GRIK1: variants seen among roughly 807,000 people sequenced by gnomAD.
GRIK1 encodes the protein glutamate receptor ionotropic, kainate 1.
Under a neutral mutation model 105.7 loss-of-function variants are expected in GRIK1, and 69 were observed. The observed-to-expected ratio is 0.65, with a 90% CI of 0.54 to 0.80. GRIK1 has a LOEUF of 0.80. Among genes scored for constraint, GRIK1 ranks in the 30% least tolerant of loss-of-function variants. The probability of loss-of-function intolerance (pLI) is 0.00; values close to 1 mark genes in which losing one functional copy is unlikely to be tolerated. For synonymous variants in GRIK1, 438 were observed against 431.3 expected (o/e 1.02, Z -0.19); for missense variants, 1,109 against 1,167.3 (o/e 0.95, Z 0.73).
intron 1 of GRIK1, among the ~76,000 whole-genome samples, chr21:29,714,302 A>G (rs1195028970): frequency 6.6e-6 from 1 of 152,170 alleles, no homozygotes; most frequent in Non-Finnish European, 1.5e-5. Context: ...AAGGGTAATG[A>G]TGGATCTTAA....
chr21:29,727,480 T>C (rs1474177424), intron 1 of GRIK1, among the ~76,000 whole-genome samples: 1 of 152,182 alleles, frequency 6.6e-6, no homozygotes, highest in Non-Finnish European at 1.5e-5. Flanking sequence ...GCTCTTATCC[T>C]ATGAGGTTCA....
chr21:29,817,955 G>T (rs76401234), intron 1 of GRIK1, among the ~76,000 whole-genome samples: 6,409 of 152,092 alleles, frequency 0.042, 197 homozygotes, highest in Non-Finnish European at 0.065. Flanking sequence ...GGTTAGGCAC[G>T]ATTATTCCTA....
chr21:29,935,776 G>A (rs190317800), intron 1 of GRIK1, among the ~76,000 whole-genome samples: 4,412 of 152,140 alleles, frequency 0.029, 213 homozygotes, highest in African/African-American at 0.1. Context: ...AGAAATTAGT[G>A]TATTTCATCT....
chr21:29,580,252 C>T (rs1306760327), intron 13 of GRIK1, among the ~76,000 whole-genome samples: 1 of 151,048 alleles, frequency 6.6e-6, no homozygotes. Context: ...AGTAATTGCT[C>T]ACAAGATAAA....
chr21:29,697,979 G>C (rs200662817), intron 1 of GRIK1, among the ~76,000 whole-genome samples: 3 of 109,632 alleles, frequency 2.7e-5, no homozygotes, highest in Admixed American at 1.0e-4. Context: ...CTTTCTCTCT[G>C]TCTCTTTCTT....
In GRIK1 at chr21:29,538,466, T is replaced by C. The variant is rs138522152; in HGVS notation, c.2608-582A>G. ...TCAAGGGGATATAAGGTTTCAATTA[T>C]GCAAGATAAATAAGTTCTGGAGATC... On this transcript the variant is annotated intron_variant, in intron 16 of 17. Transcript: ENST00000327783. Among the ~76,000 whole-genome samples, 265 of 152,288 alleles carry C rather than the reference T, an allele frequency of 1.7e-3. 1 individual carries two copies. Among genetic ancestry groups the C allele is most frequent in the African/African-American group, 6.0e-3 (250 of 41,562 alleles).
intron 7 of GRIK1, among the ~76,000 whole-genome samples, chr21:29,620,788 T>TATATATAG (rs1230680396): frequency 9.0e-6 from 1 of 111,346 alleles, no homozygotes; most frequent in African/African-American, 4.9e-5. Flanking sequence ...TATAGATATA[T>TATATATAG]ATATCTATAT....
At chr21:29,574,914 T>G (rs2146229512) in intron 14 of GRIK1, among the ~76,000 whole-genome samples, 1 of 151,970 alleles carries the variant, frequency 6.6e-6, no homozygotes, top group East Asian at 1.9e-4. Context: ...CAGGATGGTC[T>G]CGATCTCCTG....
rs558619960 is a variant in GRIK1, at chr21:29,844,943, A to G, written c.118+94440T>C. On this transcript the variant is annotated intron_variant, in intron 1 of 17. Coordinates refer to ENST00000327783, the MANE Select transcript of GRIK1 (RefSeq NM_001330994.2). ...GAAGGGGAATTCAGGAGAGTATAAC[A>G]TTCTTTTTCTTGCTTTCAAAATTTA... is the stretch of plus-strand genomic sequence containing the variant. Among the ~76,000 whole-genome samples, 26 of 152,290 alleles carry G rather than the reference A, an allele frequency of 1.7e-4. 1 individual carries two copies. In the South Asian group the frequency reaches 5.2e-3, roughly 30 times the overall value.
intron 1 of GRIK1, among the ~76,000 whole-genome samples, chr21:29,811,628 G>T (rs1799595882): frequency 6.6e-6 from 1 of 152,088 alleles, no homozygotes; most frequent in Non-Finnish European, 1.5e-5. Context: ...CAGTCCATTT[G>T]TGTGATGCCC....
intron 1 of GRIK1, among the ~76,000 whole-genome samples, chr21:29,730,634 A>T (rs2064593723): frequency 6.6e-6 from 1 of 152,002 alleles, no homozygotes; most frequent in East Asian, 1.9e-4. Context: ...TTATCCTCTA[A>T]TTTCTTCTAG....
At chr21:29,546,478 T>C (rs529902177) in intron 16 of GRIK1, among the ~76,000 whole-genome samples, 92 of 152,380 alleles carry the variant, frequency 6.0e-4, no homozygotes, top group South Asian at 1.9e-3. Flanking sequence ...GTGGTTTCTA[T>C]TCTTCTTCAT....
At chr21:29,907,751 C>T (rs969504072) in intron 1 of GRIK1, among the ~76,000 whole-genome samples, 1 of 152,094 alleles carries the variant, frequency 6.6e-6, no homozygotes, top group South Asian at 2.1e-4. Flanking sequence ...GAGTCTCATT[C>T]TGTCCATAAT....
At chr21:29,667,340 C>G (rs2063078798) in intron 4 of GRIK1, among the ~76,000 whole-genome samples, 1 of 152,138 alleles carries the variant, frequency 6.6e-6, no homozygotes, top group Non-Finnish European at 1.5e-5. Context: ...ATTTGATTAA[C>G]TAGCATTGTC....
intron 1 of GRIK1, among the ~76,000 whole-genome samples, chr21:29,774,499 TG>T (rs1203049554): frequency 6.9e-6 from 1 of 144,010 alleles, no homozygotes; most frequent in Non-Finnish European, 1.5e-5. Flanking sequence ...TCACTCAGGC[TG>T]GAGTGCAGTG....
chr21:29,729,430 G>C (rs2064554785), intron 1 of GRIK1, among the ~76,000 whole-genome samples: 2 of 152,150 alleles, frequency 1.3e-5, no homozygotes, highest in South Asian at 4.1e-4. Flanking sequence ...AAGGACATTA[G>C]TCAGACCACT....
At chr21:29,855,777 G>A (rs2068444200) in intron 1 of GRIK1, among the ~76,000 whole-genome samples, 1 of 152,116 alleles carries the variant, frequency 6.6e-6, no homozygotes. Context: ...ATGAGAGGAT[G>A]GTGATGGTGA....
At chr21:29,556,918 A>G (rs1482371935) in intron 15 of GRIK1, among the ~76,000 whole-genome samples, 1 of 152,244 alleles carries the variant, frequency 6.6e-6, no homozygotes, top group African/African-American at 2.4e-5. Context: ...TAATGCACCT[A>G]TTAAGATAAA....
chr21:29,687,448 GC>G lies in GRIK1; in HGVS notation c.544+2279del, dbSNP rs1379226898. Among the ~76,000 whole-genome samples the G allele has an allele frequency of 8.8e-4, 134 of 152,162 alleles. 1 individual carries two copies. Among genetic ancestry groups the G allele is most frequent in the African/African-American group, 3.1e-3 (127 of 41,520 alleles). On this transcript the variant is annotated intron_variant, in intron 3 of 17. Transcript: ENST00000327783. ...CTTGTGCTTTTATTGATCTCAGTTG[GC>G]CTGTTTATTCTCTGGGTTCCAATTT...
Sources: gnomAD v4.1 joint callset for allele counts (sites outside exome capture counted in the v4.1 genomes callset) on GRCh38, gnomAD v4.1.1 for gene constraint, MANE v1.5 for transcripts, NCBI Gene and HGNC (gene_info 2026-07-23, HGNC 2026-07-21) for gene names.